The following SV2B variants were observed in gnomAD, a reference collection of about 807,000 sequenced individuals.
The protein encoded by SV2B is solute carrier family 22 member B2.
A neutral mutation model predicts 73.9 loss-of-function variants in SV2B; 41 were observed. The observed-to-expected ratio is 0.56, with a 90% CI of 0.43 to 0.72. The LOEUF (loss-of-function observed/expected upper bound fraction) is 0.72, where lower values mean the gene tolerates loss of function less well. Ranked by LOEUF, SV2B falls within the 30% of genes least tolerant of loss-of-function variation. The pLI is 0.00. For missense variants in SV2B, 764 were observed against 857.8 expected (o/e 0.89, Z 1.37); for synonymous variants, 314 against 314.2 (o/e 1.00, Z 0.01).
At chr15:91,135,191 A>G (rs751108412) in intron 1 of SV2B, among the ~76,000 whole-genome samples, 5 of 152,124 alleles carry the variant, frequency 3.3e-5, no homozygotes, top group Non-Finnish European at 7.4e-5. Context: ...GTATCTTTTT[A>G]TGTACTGTGG....
chr15:91,252,549 G>T lies in SV2B; in HGVS notation c.784+29G>T, dbSNP rs560725776. On this transcript the variant is annotated intron_variant, in intron 4 of 12. Transcript: ENST00000394232. This position sits in a 1 kb window ranked among gnomAD's most constrained non-coding sequence, Gnocchi z 4.6. ...AGTCATGGCTCCAAACAGCCTAGGG[G>T]GCCCTGTTTCTATGGCTCCTGCACC... 2 of 1,557,300 alleles carry T rather than the reference G, an allele frequency of 1.3e-6. No homozygotes were observed. The highest frequency in any genetic ancestry group is 1.4e-5 in the African/African-American group (1 of 72,608).
Position 91,226,207 on chromosome 15 carries a change from T to C in SV2B, c.-57T>C. 6.4e-7 allele frequency: 1 copy of C among 1,551,230 alleles called. No individual in the cohort carries two copies. The highest frequency in any genetic ancestry group is 1.8e-5 in the Admixed American group (1 of 55,936). On this transcript the variant is annotated 5_prime_UTR_variant, in exon 2 of 13. Transcript: ENST00000394232. ...TGGTTATTGAAATAGCCCAAACCTC[T>C]ACCACAGAGCGAGGGATATAGCTCA...
At position 91,281,515 on chromosome 15, in the gene SV2B, G is replaced by A. The variant is rs192828095; in HGVS notation, c.1374-213G>A. Among the ~76,000 whole-genome samples the A allele has an allele frequency of 2.0e-5, 3 of 152,346 alleles. No individual in the cohort carries two copies. The East Asian group carries it at 5.8e-4, about 29-fold the overall frequency. The stretch of plus-strand genomic sequence containing the variant: ...CAGGTTGGTGCATAGCACTCCGTAT[G>A]CACCTACGCTAGACACTGGCTTCCA... On this transcript the variant is annotated intron_variant, in intron 9 of 12. Coordinates refer to ENST00000394232, the MANE Select transcript of SV2B (RefSeq NM_001323032.3). The surrounding 1 kb of genome is among the most constrained non-coding windows in gnomAD (Gnocchi z 4.7).
chr15:91,238,082 A>G (rs1353157914), intron 2 of SV2B, among the ~76,000 whole-genome samples: 1 of 152,164 alleles, frequency 6.6e-6, no homozygotes, highest in Non-Finnish European at 1.5e-5. Flanking sequence ...ATGAAGTTGA[A>G]AGGTTTATTT....
chr15:91,268,159 A>G lies in SV2B; in HGVS notation c.1209-282A>G, dbSNP rs2048169852. Among the ~76,000 whole-genome samples, 1 of 152,148 alleles carries G rather than the reference A, an allele frequency of 6.6e-6. No individual in the cohort carries two copies. The highest frequency in any genetic ancestry group is 2.4e-5 in the African/African-American group (1 of 41,414). ...CTAAGATTCTGGCTGAGACATGTAT[A>G]TTTTACATGTTAAGGAGGTGTCCCT... is the stretch of plus-strand genomic sequence containing the variant. On this transcript the variant is annotated intron_variant, in intron 8 of 12. Transcript: ENST00000394232. This position sits in a 1 kb window ranked among gnomAD's most constrained non-coding sequence, Gnocchi z 4.4.
chr15:91,226,062 A>G lies in SV2B; in HGVS notation c.-202A>G. 1 of 590,878 alleles carries G rather than the reference A, an allele frequency of 1.7e-6. No individual in the cohort carries two copies. The highest frequency in any genetic ancestry group is 2.9e-6 in the Non-Finnish European group (1 of 340,788). The allele number at this position is 590,878 out of a possible 1,614,324, so 36.6% of individuals were successfully genotyped here. ...CAACAGACATCGAGTGCAAAAGGATATTTAGGTTGTCTTTGCACAAATCTG... is the reference window on the plus strand; with the variant it reads ...CAACAGACATCGAGTGCAAAAGGATGTTTAGGTTGTCTTTGCACAAATCTG... On this transcript the variant is annotated 5_prime_UTR_variant, in exon 2 of 13. The change creates a new upstream start codon in the 5' untranslated region. Transcript: ENST00000394232.
intron 1 of SV2B, among the ~76,000 whole-genome samples, chr15:91,200,458 C>T (rs1363176516): frequency 6.6e-6 from 1 of 152,096 alleles, no homozygotes; most frequent in African/African-American, 2.4e-5. Context: ...AGAGGGGTGT[C>T]CACTGGGGCT....
At chr15:91,191,689 A>G (rs555988054) in intron 1 of SV2B, among the ~76,000 whole-genome samples, 1 of 152,122 alleles carries the variant, frequency 6.6e-6, no homozygotes, top group African/African-American at 2.4e-5. Flanking sequence ...CTGGTGCAAA[A>G]TTTTTCTCCT....
At chr15:91,175,715 A>C (rs1238193929) in intron 1 of SV2B, among the ~76,000 whole-genome samples, 1 of 151,650 alleles carries the variant, frequency 6.6e-6, no homozygotes, top group African/African-American at 2.4e-5. Context: ...ATATATATAT[A>C]TATACATATA....
At chr15:91,285,477 C>T (rs1459236898) in intron 11 of SV2B, among the ~76,000 whole-genome samples, 4 of 152,168 alleles carry the variant, frequency 2.6e-5, no homozygotes, top group African/African-American at 9.7e-5. Flanking sequence ...TGGCCTCTTT[C>T]CTAGGTTAGC....
Position 91,298,281 on chromosome 15 carries a change from G to C in SV2B, c.*5729G>C, listed in dbSNP as rs1215175615. On this transcript the variant is annotated 3_prime_UTR_variant, in exon 13 of 13. Transcript: ENST00000394232. The surrounding 1 kb of genome is among the most constrained non-coding windows in gnomAD (Gnocchi z 5.4). ...GTCTCTCTCTCTCTAAGTGGACTCT[G>C]ACCCTGTCCAAAACATTGTGCTTTT... 5 of 152,218 alleles carry C rather than the reference G, an allele frequency of 3.3e-5. No homozygotes were observed. Among genetic ancestry groups the C allele is most frequent in the African/African-American group, 1.2e-4 (5 of 41,456 alleles). 9.4% of individuals were successfully genotyped at this position (152,218 alleles called of 1,614,324 possible).
At chr15:91,203,852 C>G (rs554571782) in intron 1 of SV2B, among the ~76,000 whole-genome samples, 3 of 152,298 alleles carry the variant, frequency 2.0e-5, no homozygotes, top group Non-Finnish European at 4.4e-5. Context: ...CCCTCTCCCC[C>G]TCTCTCCCTC....
chr15:91,142,212 C>T (rs2043016402), intron 1 of SV2B, among the ~76,000 whole-genome samples: 2 of 152,158 alleles, frequency 1.3e-5, no homozygotes, highest in African/African-American at 4.8e-5. Context: ...TCTCTCATCC[C>T]TCCCCTGTCT....
At position 91,258,565 on chromosome 15, in the gene SV2B, G is replaced by T. The variant is rs1330647049; in HGVS notation, c.918+11G>T. ...AGGTTTCTGCTAGAGGTGAGTCAGT[G>T]CTTTTCCACCAGGGGGAGAGTGACA... On this transcript the variant is annotated intron_variant, in intron 5 of 12. Transcript: ENST00000394232. This position sits in a 1 kb window ranked among gnomAD's most constrained non-coding sequence, Gnocchi z 4.7. 1.2e-6 allele frequency: 2 copies of T among 1,613,242 alleles called. No homozygotes were observed. Among genetic ancestry groups the T allele is most frequent in the East Asian group, 4.5e-5 (2 of 44,876 alleles).
intron 1 of SV2B, among the ~76,000 whole-genome samples, chr15:91,174,621 T>A (rs989090430): frequency 2.6e-5 from 4 of 152,236 alleles, no homozygotes; most frequent in African/African-American, 4.8e-5. Flanking sequence ...CCTGGCTAGC[T>A]CAGGCAGTTT....
Position 91,289,776 on chromosome 15 carries a change from G to A in SV2B, c.1868+96G>A, listed in dbSNP as rs866632112. On this transcript the variant is annotated intron_variant, in intron 12 of 12. Coordinates refer to ENST00000394232, the MANE Select transcript of SV2B (RefSeq NM_001323032.3). The surrounding 1 kb of genome is among the most constrained non-coding windows in gnomAD (Gnocchi z 4.9). ...AAATCTCATGCTGTGCATGGCCATC[G>A]TGGTCTTTCTGCTGTTCCGTGAAAC... 9.7e-6 allele frequency: 13 copies of A among 1,340,920 alleles called. No homozygotes were observed. Among genetic ancestry groups the A allele is most frequent in the Middle Eastern group, 2.7e-4 (1 of 3,760 alleles). The allele number at this position is 1,340,920 out of a possible 1,614,324, so 83.1% of individuals were successfully genotyped here.
intron 1 of SV2B, among the ~76,000 whole-genome samples, chr15:91,103,263 G>C (rs111641379): frequency 6.6e-6 from 1 of 152,178 alleles, no homozygotes; most frequent in African/African-American, 2.4e-5. Context: ...ACTGTGGAAC[G>C]CAACATTCAG....
chr15:91,187,029 A>G (rs1023294836), intron 1 of SV2B, among the ~76,000 whole-genome samples: 4 of 152,226 alleles, frequency 2.6e-5, no homozygotes, highest in African/African-American at 9.6e-5. Context: ...ACGATTGAAC[A>G]TGCTCCATTC....
At chr15:91,277,123 G>A (rs960038846) in intron 9 of SV2B, among the ~76,000 whole-genome samples, 21 of 152,036 alleles carry the variant, frequency 1.4e-4, no homozygotes, top group African/African-American at 3.6e-4. Context: ...TTGATATGAT[G>A]TTGTTTTACT....
Sources: gnomAD v4.1 joint callset for allele counts (sites outside exome capture counted in the v4.1 genomes callset) on GRCh38, gnomAD v4.1.1 for gene constraint, Gnocchi (gnomAD v3.1) non-coding constraint, MANE v1.5 for transcripts, NCBI Gene and HGNC (gene_info 2026-07-23, HGNC 2026-07-21) for gene names.